SUSD4: variants seen among roughly 807,000 people sequenced by gnomAD.
SUSD4 encodes sushi domain containing 4, also known as sushi domain-containing protein 4.
In SUSD4, 41 loss-of-function variants were observed where a neutral mutation model predicts 50.5. The observed-to-expected ratio is 0.81, with a 90% CI of 0.63 to 1.05. The LOEUF is 1.05. Among genes scored for constraint, SUSD4 ranks in the 50% least tolerant of loss-of-function variants. The probability of loss-of-function intolerance (pLI) is 0.00; values close to 1 mark genes in which losing one functional copy is unlikely to be tolerated. For synonymous variants in SUSD4, 257 were observed against 257.3 expected (o/e 1.00, Z 0.01); for missense variants, 580 against 634.7 (o/e 0.91, Z 0.93).
At chr1:223,270,032 T>C (rs1424647941) in intron 3 of SUSD4, among the ~76,000 whole-genome samples, 3 of 151,512 alleles carry the variant, frequency 2.0e-5, no homozygotes, top group Non-Finnish European at 4.4e-5. Flanking sequence ...GGAGGTGGGG[T>C]TGGGGCTGGG....
chr1:223,314,351 C>T (rs17163791), intron 2 of SUSD4, among the ~76,000 whole-genome samples: 1,819 of 152,192 alleles, frequency 0.012, 45 homozygotes, highest in East Asian at 0.11. Context: ...AGCGGGGTGG[C>T]GGAACAGAGC....
intron 3 of SUSD4, among the ~76,000 whole-genome samples, chr1:223,269,331 T>G (rs885279): frequency 0.4 from 60,482 of 152,014 alleles, 12,175 homozygotes; most frequent in Non-Finnish European, 0.43. Context: ...AAAGGCACGT[T>G]TATAGGAGAA....
chr1:223,328,447 A>G (rs17163811), intron 2 of SUSD4, among the ~76,000 whole-genome samples: 5,199 of 152,248 alleles, frequency 0.034, 130 homozygotes, highest in Non-Finnish European at 0.055. Flanking sequence ...TGAAGATAGA[A>G]TACACCTATT....
chr1:223,340,836 C>T (rs1042949203), intron 2 of SUSD4, among the ~76,000 whole-genome samples: 2 of 152,186 alleles, frequency 1.3e-5, no homozygotes, highest in African/African-American at 4.8e-5. Context: ...TCTCTTAAAT[C>T]TCTATTGTTT....
chr1:223,306,961 T>TC (rs1485326809), intron 2 of SUSD4, among the ~76,000 whole-genome samples: 1 of 150,174 alleles, frequency 6.7e-6, no homozygotes, highest in Non-Finnish European at 1.5e-5. Flanking sequence ...GTTTTTTTTT[T>TC]TGGGGGGGGG....
At chr1:223,278,485 A>G (rs1470910548) in intron 3 of SUSD4, among the ~76,000 whole-genome samples, 1 of 152,176 alleles carries the variant, frequency 6.6e-6, no homozygotes, top group Non-Finnish European at 1.5e-5. Context: ...GCAGTCTGAG[A>G]TCGAACTGCA....
chr1:223,353,203 C>T (rs944426784), intron 2 of SUSD4, among the ~76,000 whole-genome samples: 1 of 152,156 alleles, frequency 6.6e-6, no homozygotes, highest in African/African-American at 2.4e-5. Flanking sequence ...AAAACAGCTC[C>T]TCTAGCTGCC....
chr1:223,230,079 A>G (rs1448904804), intron 5 of SUSD4, among the ~76,000 whole-genome samples: 1 of 152,180 alleles, frequency 6.6e-6, no homozygotes, highest in Non-Finnish European at 1.5e-5. Flanking sequence ...ATTCTACCCT[A>G]GGAGGACGCC....
chr1:223,248,003 T>C (rs1379901512), intron 5 of SUSD4, among the ~76,000 whole-genome samples: 4 of 152,154 alleles, frequency 2.6e-5, no homozygotes, highest in Admixed American at 2.6e-4. Flanking sequence ...GACTGTCCAT[T>C]TTGGGATCAA....
At chr1:223,361,373 C>T (rs1668967636) in intron 2 of SUSD4, among the ~76,000 whole-genome samples, 1 of 152,134 alleles carries the variant, frequency 6.6e-6, no homozygotes, top group Non-Finnish European at 1.5e-5. Flanking sequence ...TGGCTAGCTT[C>T]CTGCAGCATA....
chr1:223,326,560 A>G (rs561361055), intron 2 of SUSD4, among the ~76,000 whole-genome samples: 2 of 152,348 alleles, frequency 1.3e-5, no homozygotes, highest in Non-Finnish European at 2.9e-5. Context: ...TAAACAGACA[A>G]TCCACAGAAT....
At chr1:223,320,031 A>G (rs825126) in intron 2 of SUSD4, among the ~76,000 whole-genome samples, 145,558 of 152,296 alleles carry the variant, frequency 0.96, 69,894 homozygotes, top group East Asian at 1. Flanking sequence ...GCATTGTGAT[A>G]AGGATTAGAA....
At chr1:223,275,864 G>A (rs1020130511) in intron 3 of SUSD4, among the ~76,000 whole-genome samples, 1 of 152,216 alleles carries the variant, frequency 6.6e-6, no homozygotes, top group Non-Finnish European at 1.5e-5. Flanking sequence ...CCATCTCTTA[G>A]CAGGTGTCTC....
chr1:223,337,958 A>G (rs1295790906), intron 2 of SUSD4, among the ~76,000 whole-genome samples: 1 of 152,196 alleles, frequency 6.6e-6, no homozygotes, highest in Non-Finnish European at 1.5e-5. Context: ...TGTTCTACTC[A>G]AGGTTTCTGG....
intron 2 of SUSD4, among the ~76,000 whole-genome samples, chr1:223,317,851 C>CTTTT (rs1172641015): frequency 6.9e-5 from 7 of 100,730 alleles, no homozygotes; most frequent in South Asian, 3.7e-4. Flanking sequence ...TTTTTTTTTT[C>CTTTT]TTTTTTTTTT....
intron 5 of SUSD4, among the ~76,000 whole-genome samples, chr1:223,252,232 AAAAAAT>A (rs989446193): frequency 3.0e-5 from 2 of 65,748 alleles, no homozygotes; most frequent in Admixed American, 2.8e-4. Flanking sequence ...AAAAAAAAAA[AAAAAAT>A]ATATATATAT....
At chr1:223,250,329 GATGAA>G (rs1404466110) in intron 5 of SUSD4, among the ~76,000 whole-genome samples, 1 of 152,192 alleles carries the variant, frequency 6.6e-6, no homozygotes, top group Non-Finnish European at 1.5e-5. Context: ...AGGCCAGTGA[GATGAA>G]ATGAGAGCAG....
intron 5 of SUSD4, among the ~76,000 whole-genome samples, chr1:223,239,996 T>C (rs1156928518): frequency 6.6e-6 from 1 of 152,154 alleles, no homozygotes; most frequent in East Asian, 1.9e-4. Flanking sequence ...CATTTTTGTT[T>C]GCCCAAGAAA....
At chr1:223,249,077 G>A (rs1180051712) in intron 5 of SUSD4, among the ~76,000 whole-genome samples, 2 of 152,192 alleles carry the variant, frequency 1.3e-5, no homozygotes, top group Non-Finnish European at 2.9e-5. Flanking sequence ...GCTACACTGA[G>A]GTCAGTCTTC....
Sources: gnomAD v4.1 joint callset for allele counts (sites outside exome capture counted in the v4.1 genomes callset) on GRCh38, gnomAD v4.1.1 for gene constraint, MANE v1.5 for transcripts, NCBI Gene and HGNC (gene_info 2026-07-23, HGNC 2026-07-21) for gene names.